Variants in AHI1 observed in about 807,000 individuals in gnomAD.
The protein encoded by AHI1 is Abelson helper integration site 1.
Under a neutral mutation model 149.3 loss-of-function variants are expected in AHI1, and 123 were observed. The observed-to-expected ratio is 0.82, with a 90% CI of 0.71 to 0.96. The LOEUF is 0.96. AHI1 is among the 40% of genes least tolerant of loss of function. The pLI is 0.00. For synonymous variants in AHI1, 475 were observed against 459.8 expected (o/e 1.03, Z -0.42); for missense variants, 1,439 against 1,422.7 (o/e 1.01, Z -0.18).
Position 135,411,379 on chromosome 6 carries a change from T to C in AHI1, c.2930A>G (p.Gln977Arg), listed in dbSNP as rs967808894. The C allele has an allele frequency of 6.2e-7, 1 of 1,613,870 alleles. No individual in the cohort carries two copies. The highest frequency in any genetic ancestry group is 1.1e-5 in the South Asian group (1 of 91,080). The change falls in exon 21 of 29, where the codon CAG becomes CGG. Residue 977 changes from glutamine to arginine, a missense_variant. Transcript: ENST00000265602. Reference sequence around the variant, plus strand: ...AGTTTCAAGCCTCTGTTTTACTAGCTGCATCTTCGTTGAAGAACTTTCAGT... The same window carrying C: ...AGTTTCAAGCCTCTGTTTTACTAGCCGCATCTTCGTTGAAGAACTTTCAGT... ...VHTESSSTKM[Q>R]LVKQRLETVT...
chr6:135,485,067 C>G (rs902224468), intron 5 of AHI1, among the ~76,000 whole-genome samples: 4 of 148,996 alleles, frequency 2.7e-5, no homozygotes, highest in African/African-American at 1.0e-4. Context: ...ATTATATGTA[C>G]AATTTCTTTT....
At chr6:135,340,946 A>C (rs1328929880) in intron 24 of AHI1, among the ~76,000 whole-genome samples, 2 of 151,210 alleles carry the variant, frequency 1.3e-5, no homozygotes, top group Non-Finnish European at 3.0e-5. Flanking sequence ...ACACTGAAAA[A>C]ACTCAAGAAA....
chr6:135,451,090 GTGT>G (rs1158523869), intron 11 of AHI1, among the ~76,000 whole-genome samples: 1 of 151,814 alleles, frequency 6.6e-6, no homozygotes, highest in East Asian at 1.9e-4. Context: ...TCCATTCCCT[GTGT>G]CCAAGCAATC....
Position 135,358,185 on chromosome 6 carries a change from T to A in AHI1, c.3112A>T (p.Ile1038Phe). 1 of 1,612,158 alleles carries A rather than the reference T, an allele frequency of 6.2e-7. No homozygotes were observed. Among genetic ancestry groups the A allele is most frequent in the African/African-American group, 1.3e-5 (1 of 74,572 alleles). ...CAAGGCTTTCTTTCTATGCTGATAATCCCTGTGGAAAGAAAACATTGTGAG... is the reference window on the plus strand; with the variant it reads ...CAAGGCTTTCTTTCTATGCTGATAAACCCTGTGGAAAGAAAACATTGTGAG... ...LHQFGFTQTG[I>F]ISIERKPCNH... Residue 1038 changes from isoleucine to phenylalanine, a missense_variant and splice_region_variant, in exon 24 of 29, where the codon ATT becomes TTT. By Grantham distance (21) the Ile-to-Phe change is conservative. Coordinates refer to ENST00000265602, the MANE Select transcript of AHI1 (RefSeq NM_001134831.2).
intron 23 of AHI1, among the ~76,000 whole-genome samples, chr6:135,366,244 CTTT>C (rs139573902): frequency 6.8e-6 from 1 of 147,094 alleles, no homozygotes; most frequent in Admixed American, 6.8e-5. Context: ...CTGCAGTTTT[CTTT>C]TTTTTTTGTT....
chr6:135,373,513 C>T (rs1229988571), intron 23 of AHI1, among the ~76,000 whole-genome samples: 1 of 152,176 alleles, frequency 6.6e-6, no homozygotes, highest in African/African-American at 2.4e-5. Flanking sequence ...TTCCCAGATA[C>T]TAATACAGTC....
At chr6:135,325,628 G>A (rs1787553132) in intron 24 of AHI1, among the ~76,000 whole-genome samples, 1 of 152,194 alleles carries the variant, frequency 6.6e-6, no homozygotes, top group African/African-American at 2.4e-5. Flanking sequence ...AAGTAAACTA[G>A]TAAGTGATAG....
chr6:135,457,616 A>G lies in AHI1; in HGVS notation c.1029T>C (p.Leu343=), dbSNP rs747539153. 1.9e-6 allele frequency: 3 copies of G among 1,613,998 alleles called. No individual in the cohort carries two copies. The East Asian group carries it at 6.7e-5, about 36-fold the overall frequency. The change falls in exon 9 of 29, where the codon CTT becomes CTC. Residue 343 remains leucine, a synonymous_variant. Transcript: ENST00000265602. The part of the protein sequence containing the change: ...VYPKCLLDDD[L]VLGVYIHRTD... ...TTCGGTGAATGTAAACTCCCAAGAC[A>G]AGGTCATCATCAAGCAAACATTTGG...
intron 23 of AHI1, among the ~76,000 whole-genome samples, chr6:135,384,760 G>C (rs1401325118): frequency 6.6e-6 from 1 of 152,068 alleles, no homozygotes; most frequent in Non-Finnish European, 1.5e-5. Context: ...ACTTGCACTG[G>C]CCCATATGGT....
chr6:135,385,551 A>G (rs1349335827), intron 23 of AHI1, among the ~76,000 whole-genome samples: 1 of 152,176 alleles, frequency 6.6e-6, no homozygotes, highest in Non-Finnish European at 1.5e-5. Context: ...GAGATTAGAG[A>G]TTTCAACAAA....
chr6:135,455,430 G>A (rs1334853328), intron 10 of AHI1, among the ~76,000 whole-genome samples: 1 of 152,174 alleles, frequency 6.6e-6, no homozygotes, highest in East Asian at 1.9e-4. Flanking sequence ...TTAAAATGGA[G>A]AAATGCATTC....
Position 135,438,425 on chromosome 6 carries a change from C to A in AHI1, c.1986G>T (p.Trp662Cys). 1 of 1,568,434 alleles carries A rather than the reference C, an allele frequency of 6.4e-7. No homozygotes were observed. Among genetic ancestry groups the A allele is most frequent in the Non-Finnish European group, 8.7e-7 (1 of 1,154,728 alleles). The change falls in exon 15 of 29, where the codon TGG becomes TGT. Residue 662 changes from tryptophan to cysteine, a missense_variant. By Grantham distance (215) the Trp-to-Cys change is radical. Coordinates refer to ENST00000265602, the MANE Select transcript of AHI1 (RefSeq NM_001134831.2). ...GHLNIIYDLS[W>C]SKDDHYILTS... ...TAAGGATGTAGTGATCATCTTTTGACCAGGAAAGATCATAAATGATATTGA... is the reference window on the plus strand; with the variant it reads ...TAAGGATGTAGTGATCATCTTTTGAACAGGAAAGATCATAAATGATATTGA...
At chr6:135,306,854 T>G (rs1008735710) in intron 26 of AHI1, 3 of 152,186 alleles carry the variant, frequency 2.0e-5, no homozygotes, top group African/African-American at 7.2e-5. Flanking sequence ...AGGCCCGGTT[T>G]GAGAAGAATG....
At chr6:135,408,443 T>C (rs1781117451) in intron 21 of AHI1, among the ~76,000 whole-genome samples, 1 of 152,026 alleles carries the variant, frequency 6.6e-6, no homozygotes, top group East Asian at 1.9e-4. Flanking sequence ...AACTGCAATA[T>C]TGAAATAAAT....
chr6:135,413,930 C>A (rs770726417), intron 20 of AHI1, among the ~76,000 whole-genome samples: 1 of 152,114 alleles, frequency 6.6e-6, no homozygotes, highest in Non-Finnish European at 1.5e-5. Flanking sequence ...CCCAAATGAT[C>A]TGTAGATTCA....
chr6:135,387,997 C>T, intron 23 of AHI1: 1 of 1,613,598 alleles, frequency 6.2e-7, no homozygotes, highest in Non-Finnish European at 8.5e-7. Flanking sequence ...CTTTTTCCAC[C>T]ATAATATACA....
Position 135,411,348 on chromosome 6 carries a change from TG to T in AHI1, c.2960del (p.Thr987LysfsTer3), listed in dbSNP as rs757074884. 6.2e-7 allele frequency: 1 copy of T among 1,604,802 alleles called. No individual in the cohort carries two copies. Among genetic ancestry groups the T allele is most frequent in the Non-Finnish European group, 8.5e-7 (1 of 1,172,220 alleles). On this transcript the variant is annotated frameshift_variant and splice_region_variant, in exon 21 of 29. Transcript: ENST00000265602. LOFTEE classifies it high-confidence loss of function. ...TTTCAACTGCATAAAATAAACTTAC[TG>T]TGACAGTTTCAAGCCTCTGTTTTAC... The part of the protein sequence containing the change: ...QLVKQRLETV[T>X]EVIRSCAAKV...
chr6:135,358,568 AAGTGAATCACT>A (rs1793357448), intron 23 of AHI1, among the ~76,000 whole-genome samples: 1 of 152,216 alleles, frequency 6.6e-6, no homozygotes, highest in African/African-American at 2.4e-5. Context: ...AAGGGCTATG[AAGTGAATCACT>A]ACTGTCTTAT....
At chr6:135,324,871 T>C (rs1478298963) in intron 24 of AHI1, among the ~76,000 whole-genome samples, 4 of 152,186 alleles carry the variant, frequency 2.6e-5, no homozygotes, top group Non-Finnish European at 5.9e-5. Flanking sequence ...CAGGCAATTC[T>C]AACGAATGAG....
Sources: allele counts gnomAD v4.1 joint callset (sites outside exome capture counted in the v4.1 genomes callset), GRCh38; gene constraint gnomAD v4.1.1; transcripts MANE v1.5; gene names NCBI Gene and HGNC (gene_info 2026-07-23, HGNC 2026-07-21).